Variants in LRRC1 observed in about 807,000 individuals in gnomAD.
LRRC1 encodes the protein leucine rich repeat containing 1.
In LRRC1, 28 loss-of-function variants were observed where a neutral mutation model predicts 69.9. The ratio of observed to expected loss-of-function variants is 0.40; its 90% CI spans 0.30 to 0.55. The LOEUF (loss-of-function observed/expected upper bound fraction) is 0.55, where lower values mean the gene tolerates loss of function less well. Among genes scored for constraint, LRRC1 ranks in the 20% least tolerant of loss-of-function variants. The probability of loss-of-function intolerance (pLI) is 0.47; values close to 1 mark genes in which losing one functional copy is unlikely to be tolerated. For missense variants in LRRC1, 498 were observed against 609.0 expected (o/e 0.82, Z 1.92); for synonymous variants, 236 against 240.2 (o/e 0.98, Z 0.16).
chr6:53,809,222 G>T (rs547017352), intron 1 of LRRC1, among the ~76,000 whole-genome samples: 1 of 152,188 alleles, frequency 6.6e-6, no homozygotes, highest in African/African-American at 2.4e-5. Context: ...GACTGTAAAG[G>T]TCAGTATTAT....
intron 1 of LRRC1, among the ~76,000 whole-genome samples, chr6:53,798,236 G>T (rs1189355258): frequency 6.6e-6 from 1 of 152,202 alleles, no homozygotes; most frequent in Non-Finnish European, 1.5e-5. Context: ...GCAGTTGGGT[G>T]ATAGCCTCAC....
At chr6:53,884,475 C>G (rs1367716300) in intron 4 of LRRC1, among the ~76,000 whole-genome samples, 1 of 152,188 alleles carries the variant, frequency 6.6e-6, no homozygotes, top group Non-Finnish European at 1.5e-5. Flanking sequence ...CCACTGAATT[C>G]CAGCCTGGGT....
At chr6:53,915,508 T>A (rs1768535779) in intron 11 of LRRC1, among the ~76,000 whole-genome samples, 1 of 152,198 alleles carries the variant, frequency 6.6e-6, no homozygotes, top group African/African-American at 2.4e-5. Context: ...TCTTTCCTGA[T>A]CTTTATCCTC....
At chr6:53,840,264 A>T (rs1220305700) in intron 1 of LRRC1, among the ~76,000 whole-genome samples, 1 of 152,132 alleles carries the variant, frequency 6.6e-6, no homozygotes, top group Non-Finnish European at 1.5e-5. Flanking sequence ...ATATAATTTT[A>T]GGTTGGGAAT....
At chr6:53,886,768 A>G (rs1767494534) in intron 4 of LRRC1, among the ~76,000 whole-genome samples, 1 of 152,148 alleles carries the variant, frequency 6.6e-6, no homozygotes, top group African/African-American at 2.4e-5. Flanking sequence ...GCCTTCCCCA[A>G]TGATTGACAG....
rs1004951016 is a variant in LRRC1, at chr6:53,853,505, C to T, written c.277+11278C>T. 1.5e-3 allele frequency among the ~76,000 whole-genome samples: 222 copies of T among 152,022 alleles called. 2 individuals carry two copies. Among genetic ancestry groups the T allele is most frequent in the African/African-American group, 5.1e-3 (212 of 41,468 alleles). On this transcript the variant is annotated intron_variant, in intron 2 of 13. Transcript: ENST00000370888. ...TCACCATGTTGACCAGGCTGGTCTT[C>T]AACTCCTGACCTCAGGTTATCCACC... is the stretch of plus-strand genomic sequence containing the variant.
chr6:53,829,970 G>C (rs1225097083), intron 1 of LRRC1, among the ~76,000 whole-genome samples: 1 of 152,168 alleles, frequency 6.6e-6, no homozygotes, highest in Non-Finnish European at 1.5e-5. Flanking sequence ...GAACTCTTGA[G>C]GTGATGTGCT....
chr6:53,806,867 A>T (rs1187989305), intron 1 of LRRC1, among the ~76,000 whole-genome samples: 1 of 152,182 alleles, frequency 6.6e-6, no homozygotes, highest in East Asian at 1.9e-4. Flanking sequence ...CCTCACCCCC[A>T]ACAACCTTTG....
At position 53,919,504 on chromosome 6, in the gene LRRC1, G is replaced by A. The variant is rs763667127; in HGVS notation, c.1113G>A (p.Leu371=). ...HVLDVAGNRL[L]HLPLSLTALK... is the part of the protein sequence containing the mutation. The stretch of plus-strand genomic sequence containing the variant: ...AAAAAAAAAAAAAAAACAGGTTGCT[G>A]CATCTACCTTTATCCCTGACTGCCT... The change falls in exon 12 of 14, where the codon CTG becomes CTA. Residue 371 remains leucine, a synonymous_variant. Coordinates refer to ENST00000370888, the MANE Select transcript of LRRC1 (RefSeq NM_018214.5). 83 of 1,547,130 alleles carry A rather than the reference G, an allele frequency of 5.4e-5. No homozygotes were observed. The highest frequency in any genetic ancestry group is 3.5e-4 in the Middle Eastern group (2 of 5,788).
intron 1 of LRRC1, among the ~76,000 whole-genome samples, chr6:53,826,829 C>CT (rs879840875): frequency 1.3e-3 from 185 of 145,890 alleles, no homozygotes; most frequent in African/African-American, 2.0e-3. Context: ...ATAGCTGAGA[C>CT]TTTTTTTTTT....
intron 2 of LRRC1, among the ~76,000 whole-genome samples, chr6:53,851,596 A>G (rs1483816384): frequency 6.6e-6 from 1 of 152,164 alleles, no homozygotes; most frequent in Non-Finnish European, 1.5e-5. Flanking sequence ...ATCCAGGAAC[A>G]CCCTCACAGA....
At chr6:53,900,476 A>G (rs939842767) in intron 8 of LRRC1, among the ~76,000 whole-genome samples, 6 of 152,336 alleles carry the variant, frequency 3.9e-5, no homozygotes, top group Admixed American at 1.3e-4. Context: ...TCTCTACTTC[A>G]TCTGTATCTT....
At chr6:53,899,345 C>T (rs539184100) in intron 7 of LRRC1, among the ~76,000 whole-genome samples, 1 of 152,296 alleles carries the variant, frequency 6.6e-6, no homozygotes, top group South Asian at 2.1e-4. Context: ...AGGTTCTTAC[C>T]AGAGGAAATC....
intron 2 of LRRC1, among the ~76,000 whole-genome samples, chr6:53,867,969 A>AG (rs1313558782): frequency 1.3e-5 from 2 of 151,918 alleles, no homozygotes; most frequent in East Asian, 1.9e-4. Flanking sequence ...AAAAAAAAAA[A>AG]AATTTTTTTG....
intron 2 of LRRC1, among the ~76,000 whole-genome samples, chr6:53,867,799 T>C (rs1273331613): frequency 1.3e-5 from 2 of 151,612 alleles, no homozygotes; most frequent in Admixed American, 1.3e-4. Flanking sequence ...TACAAAACAT[T>C]TTAAAATTAG....
chr6:53,885,687 A>G (rs1047179323), intron 4 of LRRC1, among the ~76,000 whole-genome samples: 2 of 152,178 alleles, frequency 1.3e-5, no homozygotes, highest in Admixed American at 6.5e-5. Context: ...TGTCTCAAGG[A>G]CTTGGGCCTC....
At chr6:53,870,231 C>A (rs373911309) in intron 2 of LRRC1, among the ~76,000 whole-genome samples, 1 of 152,226 alleles carries the variant, frequency 6.6e-6, no homozygotes, top group African/African-American at 2.4e-5. Flanking sequence ...CTTACAGCCA[C>A]CATTCATGTG....
chr6:53,904,476 G>C lies in LRRC1; in HGVS notation c.990+14G>C, dbSNP rs141339227. On this transcript the variant is annotated intron_variant, in intron 10 of 13. Coordinates refer to ENST00000370888, the MANE Select transcript of LRRC1 (RefSeq NM_018214.5). ...TTACCAAAAGAGGTATGTGCTTTTAGAGAAATCACATGATAATAATTATGA... is the reference window on the plus strand; with the variant it reads ...TTACCAAAAGAGGTATGTGCTTTTACAGAAATCACATGATAATAATTATGA... The C allele has an allele frequency of 8.4e-5, 124 of 1,480,108 alleles. 1 individual carries two copies. In the East Asian group the frequency reaches 2.8e-3, roughly 34 times the overall value. 91.7% of individuals were successfully genotyped at this position (1,480,108 alleles called of 1,614,324 possible).
intron 2 of LRRC1, among the ~76,000 whole-genome samples, chr6:53,849,831 A>G (rs1382033197): frequency 6.6e-6 from 1 of 152,160 alleles, no homozygotes; most frequent in African/African-American, 2.4e-5. Context: ...GTGGTGTGTG[A>G]CTGTTGTCCC....
Sources: gnomAD v4.1 joint callset for allele counts (sites outside exome capture counted in the v4.1 genomes callset) on GRCh38, gnomAD v4.1.1 for gene constraint, MANE v1.5 for transcripts, NCBI Gene and HGNC (gene_info 2026-07-23, HGNC 2026-07-21) for gene names.